Variants in PIK3R5 observed in about 807,000 individuals in gnomAD.
PIK3R5 encodes phosphoinositide-3-kinase regulatory subunit 5.
In PIK3R5, 32 loss-of-function variants were observed where a neutral mutation model predicts 94.9. The ratio of observed to expected loss-of-function variants is 0.34; its 90% CI spans 0.25 to 0.45. The LOEUF is 0.45. Ranked by LOEUF, PIK3R5 falls within the 20% of genes least tolerant of loss-of-function variation. PIK3R5 has a pLI of 1.00. For synonymous variants in PIK3R5, 443 were observed against 479.4 expected, an observed-to-expected ratio of 0.92 and a Z score of 0.99; for missense variants, 853 against 1,144.6, an observed-to-expected ratio of 0.75 and a Z score of 3.68.
chr17:8,887,694 G>A lies in PIK3R5; in HGVS notation c.1617-11C>T. 1 of 1,581,464 alleles carries A rather than the reference G, an allele frequency of 6.3e-7. No individual in the cohort carries two copies. Among genetic ancestry groups the A allele is most frequent in the East Asian group, 2.3e-5 (1 of 42,970 alleles). On this transcript the variant is annotated splice_polypyrimidine_tract_variant and intron_variant, in intron 10 of 18. Coordinates refer to ENST00000447110, the MANE Select transcript of PIK3R5 (RefSeq NM_001142633.3). ...TTGTTCTCCAGCCGCCTGGCAAGAA[G>A]AAGATGGTGAGAAGGGGAATGGGCA...
intron 1 of PIK3R5, among the ~76,000 whole-genome samples, chr17:8,919,888 CTTTTTTTTTT>C (rs11290606): frequency 7.3e-4 from 79 of 107,614 alleles, no homozygotes; most frequent in Admixed American, 4.6e-3. Context: ...CTTTTTCCTT[CTTTTTTTTTT>C]TTTTTTTTTT....
In PIK3R5 at chr17:8,881,278, G is replaced by A. The variant is rs546979886; in HGVS notation, c.2383-261C>T. Among the ~76,000 whole-genome samples the A allele has an allele frequency of 1.3e-5, 2 of 152,258 alleles. No individual in the cohort carries two copies. The highest frequency in any genetic ancestry group is 3.9e-4 in the East Asian group (2 of 5,184). On this transcript the variant is annotated intron_variant, in intron 17 of 18. Transcript: ENST00000447110. This position sits in a 1 kb window ranked among gnomAD's most constrained non-coding sequence, Gnocchi z 4.8. Reference sequence around the variant, plus strand: ...CCTGCCTGCTGCCCTCACCGGAGCAGCCCCAGGTCCCCTGATCCAGAGCCT... The same window carrying A: ...CCTGCCTGCTGCCCTCACCGGAGCAACCCCAGGTCCCCTGATCCAGAGCCT...
Position 8,889,478 on chromosome 17 carries a change from C to T in PIK3R5, c.812-256G>A, listed in dbSNP as rs2089968266. On this transcript the variant is annotated intron_variant, in intron 8 of 18. Transcript: ENST00000447110. This position sits in a 1 kb window ranked among gnomAD's most constrained non-coding sequence, Gnocchi z 4.1. ...TGGCCAAACCACAACCTCTGAGCCT[C>T]ATTTTACAATGTGCCCATGGGAGAA... Among the ~76,000 whole-genome samples, 2 of 152,196 alleles carry T rather than the reference C, an allele frequency of 1.3e-5. No individual in the cohort carries two copies. The highest frequency in any genetic ancestry group is 4.8e-5 in the African/African-American group (2 of 41,436).
chr17:8,931,478 G>T (rs2151441468), intron 1 of PIK3R5, among the ~76,000 whole-genome samples: 1 of 152,254 alleles, frequency 6.6e-6, no homozygotes, highest in South Asian at 2.1e-4. Flanking sequence ...CACACAAGGG[G>T]AGCCTCTTGA....
In PIK3R5 at chr17:8,909,990, C is replaced by T. The variant is rs931656841; in HGVS notation, c.104-816G>A. On this transcript the variant is annotated intron_variant, in intron 2 of 18. Coordinates refer to ENST00000447110, the MANE Select transcript of PIK3R5 (RefSeq NM_001142633.3). The surrounding 1 kb of genome is among the most constrained non-coding windows in gnomAD (Gnocchi z 4.3). ...TGGAGCCCAGGAAGGGGAAGCTAAACGAGTTCTATTTTAAAAGCTGCCATG... is the reference window on the plus strand; with the variant it reads ...TGGAGCCCAGGAAGGGGAAGCTAAATGAGTTCTATTTTAAAAGCTGCCATG... 6.6e-5 allele frequency among the ~76,000 whole-genome samples: 10 copies of T among 152,348 alleles called. No homozygotes were observed. Among genetic ancestry groups the T allele is most frequent in the African/African-American group, 2.2e-4 (9 of 41,584 alleles).
chr17:8,891,022 T>C (rs1156975083), intron 6 of PIK3R5, 110 bp from the exon 7 acceptor site: 2 of 1,064,000 alleles, frequency 1.9e-6, no homozygotes, highest in Non-Finnish European at 2.7e-6. Context: ...CAGGGCCTCC[T>C]CAAGCCCAGG....
rs376406610 is a variant in PIK3R5 at position 8,887,238 on chromosome 17, G to A, written c.1780-17C>T. The A allele has an allele frequency of 2.0e-5, 32 of 1,613,512 alleles. No individual in the cohort carries two copies. The African/African-American group carries it at 3.3e-4, about 17-fold the overall frequency. On this transcript the variant is annotated splice_polypyrimidine_tract_variant and intron_variant, in intron 11 of 18. Transcript: ENST00000447110. ...GCCCAGCTCCTAGGGCAAAGAACAA[G>A]AGTCATCATCCCAGCTCCCCAGGAG... is the stretch of plus-strand genomic sequence containing the variant.
Position 8,911,321 on chromosome 17 carries a change from G to C in PIK3R5, c.103+71C>G. 8.3e-7 allele frequency: 1 copy of C among 1,202,302 alleles called. No individual in the cohort carries two copies. The highest frequency in any genetic ancestry group is 1.2e-6 in the Non-Finnish European group (1 of 824,066). The allele number at this position is 1,202,302 out of a possible 1,614,324, so 74.5% of individuals were successfully genotyped here. A position where few individuals can be genotyped will look rare whatever the true frequency, so the allele number is the denominator to read the frequency against. On this transcript the variant is annotated intron_variant, in intron 2 of 18. Transcript: ENST00000447110. The surrounding 1 kb of genome is among the most constrained non-coding windows in gnomAD (Gnocchi z 5.3). The stretch of plus-strand genomic sequence containing the variant: ...TAGAATTTGCCAGTTTCCATGCCTG[G>C]TCCAGTGCCCACCGTGGCCCCTGAG...
chr17:8,889,268 T>A lies in PIK3R5; in HGVS notation c.812-46A>T. On this transcript the variant is annotated intron_variant, in intron 8 of 18. Transcript: ENST00000447110. The surrounding 1 kb of genome is among the most constrained non-coding windows in gnomAD (Gnocchi z 4.1). The stretch of plus-strand genomic sequence containing the variant: ...GGAGAAGAGGGCTGGGAAGAGGCCT[T>A]GGAGATTGGCCAGTCCAGTCCCCTT... 2 of 1,472,090 alleles carry A rather than the reference T, an allele frequency of 1.4e-6. No individual in the cohort carries two copies. Among genetic ancestry groups the A allele is most frequent in the Non-Finnish European group, 1.9e-6 (2 of 1,061,018 alleles). 91.2% of individuals were successfully genotyped at this position (1,472,090 alleles called of 1,614,324 possible). A position where few individuals can be genotyped will look rare whatever the true frequency, so the allele number is the denominator to read the frequency against.
intron 1 of PIK3R5, chr17:8,915,728 C>T (rs2090617428): frequency 6.6e-6 from 1 of 152,326 alleles, no homozygotes; most frequent in African/African-American, 2.4e-5. Context: ...AGGAGTGAGT[C>T]ATCCTGCTCA....
intron 1 of PIK3R5, among the ~76,000 whole-genome samples, chr17:8,931,996 G>C (rs576824159): frequency 6.6e-6 from 1 of 152,194 alleles, no homozygotes; most frequent in Non-Finnish European, 1.5e-5. Context: ...ACGCTCAACA[G>C]TGTGGCATCC....
chr17:8,948,722 C>T (rs1017850550), intron 1 of PIK3R5, among the ~76,000 whole-genome samples: 8 of 152,258 alleles, frequency 5.3e-5, no homozygotes, highest in Middle Eastern at 3.4e-3. Flanking sequence ...GGGGAATGTA[C>T]GCTGGTACGA....
intron 14 of PIK3R5, chr17:8,885,228 T>C: frequency 5.0e-6 from 1 of 200,778 alleles, no homozygotes; most frequent in Non-Finnish European, 1.0e-5. Flanking sequence ...TAACCCCCCT[T>C]CCCATGGTCC....
chr17:8,919,396 A>G (rs1442823425), intron 1 of PIK3R5, among the ~76,000 whole-genome samples: 1 of 152,198 alleles, frequency 6.6e-6, no homozygotes, highest in Non-Finnish European at 1.5e-5. Context: ...GAGCTTCTTG[A>G]ACATTGCTAT....
chr17:8,944,130 A>T (rs761007032), intron 1 of PIK3R5, among the ~76,000 whole-genome samples: 3 of 152,130 alleles, frequency 2.0e-5, no homozygotes, highest in Non-Finnish European at 2.9e-5. Flanking sequence ...CTTATAAGTG[A>T]GAGCATGTAT....
intron 1 of PIK3R5, among the ~76,000 whole-genome samples, chr17:8,928,650 C>T (rs58317816): frequency 6.6e-6 from 1 of 152,088 alleles, no homozygotes; most frequent in African/African-American, 2.4e-5. Context: ...AGTCCAATAT[C>T]CAGCAAAAAT....
chr17:8,943,373 G>A (rs1290036801), intron 1 of PIK3R5, among the ~76,000 whole-genome samples: 2 of 152,102 alleles, frequency 1.3e-5, no homozygotes, highest in East Asian at 1.9e-4. Flanking sequence ...GAGATTATAG[G>A]TGTGAGCCAC....
Position 8,904,414 on chromosome 17 carries a change from G to T in PIK3R5, c.412+363C>A, listed in dbSNP as rs1490286986. 6.6e-6 allele frequency among the ~76,000 whole-genome samples: 1 copy of T among 152,162 alleles called. No individual in the cohort carries two copies. Among genetic ancestry groups the T allele is most frequent in the Non-Finnish European group, 1.5e-5 (1 of 68,024 alleles). ...TCCTGGGGCACAGAGAACATGCAAA[G>T]CCCTCTTGTCAGCATCCTGGGGGCT... is the stretch of plus-strand genomic sequence containing the variant. On this transcript the variant is annotated intron_variant, in intron 5 of 18. Coordinates refer to ENST00000447110, the MANE Select transcript of PIK3R5 (RefSeq NM_001142633.3). The surrounding 1 kb of genome is among the most constrained non-coding windows in gnomAD (Gnocchi z 5.1).
intron 1 of PIK3R5, chr17:8,915,787 G>C (rs1420538945): frequency 1.3e-5 from 2 of 152,352 alleles, no homozygotes; most frequent in Non-Finnish European, 2.9e-5. Flanking sequence ...AGATGCAAAT[G>C]AATGTTCTCA....
Sources: allele counts gnomAD v4.1 joint callset (sites outside exome capture counted in the v4.1 genomes callset), GRCh38; gene constraint gnomAD v4.1.1; non-coding constraint Gnocchi (gnomAD v3.1); transcripts MANE v1.5; gene names NCBI Gene and HGNC (gene_info 2026-07-23, HGNC 2026-07-21).